FRMD3: variants seen among roughly 807,000 people sequenced by gnomAD.
FRMD3 encodes FERM domain-containing protein 3.
A neutral mutation model predicts 70.2 loss-of-function variants in FRMD3; 33 were observed. The observed-to-expected ratio is 0.47, with a 90% CI of 0.36 to 0.63. The LOEUF is 0.63. Among genes scored for constraint, FRMD3 ranks in the 20% least tolerant of loss-of-function variants. The pLI is 0.00. For synonymous variants in FRMD3, 279 were observed against 255.9 expected (o/e 1.09, Z -0.86); for missense variants, 632 against 711.4 (o/e 0.89, Z 1.27).
chr9:83,311,762 G>A (rs1835364763), intron 8 of FRMD3, 125 bp downstream of exon 8: 3 of 741,750 alleles, frequency 4.0e-6, no homozygotes, highest in Non-Finnish European at 4.7e-6. Flanking sequence ...CCTTTATGAT[G>A]AAGCTCCAAG....
intron 5 of FRMD3, among the ~76,000 whole-genome samples, chr9:83,336,352 A>G (rs1007077070): frequency 6.6e-6 from 1 of 151,792 alleles, no homozygotes; most frequent in African/African-American, 2.4e-5. Flanking sequence ...TAAAAATTTA[A>G]TGCCCCCGCC....
At chr9:83,465,818 A>G (rs1587881193) in intron 1 of FRMD3, among the ~76,000 whole-genome samples, 1 of 152,254 alleles carries the variant, frequency 6.6e-6, no homozygotes, top group East Asian at 1.9e-4. Context: ...CATTGAATCA[A>G]TTGGAGCTGT....
chr9:83,353,485 G>A (rs1179971989), intron 3 of FRMD3, among the ~76,000 whole-genome samples: 1 of 152,144 alleles, frequency 6.6e-6, no homozygotes, highest in Non-Finnish European at 1.5e-5. Context: ...AGAATAATAT[G>A]TCTTGTTCAG....
chr9:83,557,780 C>G, the FRMD3 span, among the ~76,000 whole-genome samples: 1 of 152,164 alleles, frequency 6.6e-6, no homozygotes, highest in Non-Finnish European at 1.5e-5. Context: ...GATGGAAACA[C>G]TGCAGGGGGT....
At chr9:83,553,402 A>G in the FRMD3 span, among the ~76,000 whole-genome samples, 1 of 152,134 alleles carries the variant, frequency 6.6e-6, no homozygotes, top group Non-Finnish European at 1.5e-5. Flanking sequence ...GCTGCCTTTA[A>G]CATTCTTTCT....
intron 1 of FRMD3, among the ~76,000 whole-genome samples, chr9:83,501,530 A>G (rs945271256): frequency 1.3e-5 from 2 of 152,232 alleles, no homozygotes; most frequent in African/African-American, 4.8e-5. Flanking sequence ...AGGGGATATA[A>G]TTTGTAATTT....
In FRMD3 at chr9:83,331,925, T is replaced by A. The variant is rs535352146; in HGVS notation, c.596+3591A>T. The A allele has an allele frequency of 4.2e-4, 303 of 715,174 alleles. 1 individual carries two copies. The African/African-American group carries it at 4.6e-3, about 11-fold the overall frequency. The allele number at this position is 715,174 out of a possible 1,614,324, so 44.3% of individuals were successfully genotyped here. A position where few individuals can be genotyped will look rare whatever the true frequency, so the allele number is the denominator to read the frequency against. ...GGGATGAGTCCTGATCAGAGAGTTG[T>A]AAGCAGAAGTGCTATGAATCACTTC... On this transcript the variant is annotated intron_variant, in intron 6 of 13. Coordinates refer to ENST00000304195, the MANE Select transcript of FRMD3 (RefSeq NM_174938.6).
At chr9:83,402,650 C>T (rs990201010) in intron 1 of FRMD3, among the ~76,000 whole-genome samples, 19 of 152,026 alleles carry the variant, frequency 1.2e-4, no homozygotes, top group Non-Finnish European at 1.6e-4. Flanking sequence ...ATACATGCAG[C>T]CTTAATATAA....
the FRMD3 span, among the ~76,000 whole-genome samples, chr9:83,568,534 A>G: frequency 6.6e-6 from 1 of 152,180 alleles, no homozygotes; most frequent in Non-Finnish European, 1.5e-5. Context: ...GAAATATGCC[A>G]GGCACAGAAA....
chr9:83,248,041 GGA>G lies in FRMD3; in HGVS notation c.1669_1670del (p.Ser557LeufsTer12). On this transcript the variant is annotated frameshift_variant, in exon 14 of 14. Transcript: ENST00000304195. LOFTEE classifies it high-confidence loss of function. ...GTGTCTGGCGGATTTCGCATAAGAA[GGA>G]GAGATCAATACCTGACTCCAAAAGG... is the stretch of plus-strand genomic sequence containing the variant. ...LLLLESGIDL[S>X]FLCEIRQTPE... is the part of the protein sequence containing the mutation. The G allele has an allele frequency of 5.6e-6, 9 of 1,614,160 alleles. No homozygotes were observed. The highest frequency in any genetic ancestry group is 7.6e-6 in the Non-Finnish European group (9 of 1,180,034).
chr9:83,545,971 C>G, the FRMD3 span, among the ~76,000 whole-genome samples: 1 of 151,988 alleles, frequency 6.6e-6, no homozygotes, highest in African/African-American at 2.4e-5. Context: ...TGTCTAATCA[C>G]CTGTAAAGGA....
chr9:83,345,936 A>G (rs932505643), intron 4 of FRMD3, among the ~76,000 whole-genome samples: 2 of 152,072 alleles, frequency 1.3e-5, no homozygotes, highest in East Asian at 3.9e-4. Flanking sequence ...GTGAATGTTC[A>G]TAATAACACT....
intron 1 of FRMD3, among the ~76,000 whole-genome samples, chr9:83,520,970 C>CAAAAAAAAAAAAAAAAA (rs144061788): frequency 1.8e-5 from 1 of 56,126 alleles, no homozygotes; most frequent in Non-Finnish European, 3.4e-5. Flanking sequence ...ACTAAAAATA[C>CAAAAAAAAAAAAAAAAA]AAAAAAAAAA....
chr9:83,244,206 TCA>T (rs1251581232), downstream of FRMD3, among the ~76,000 whole-genome samples: 9 of 152,036 alleles, frequency 5.9e-5, no homozygotes, highest in Admixed American at 5.9e-4. Context: ...ATGGCAAGTG[TCA>T]CAGAGTTGAG....
intron 2 of FRMD3, 146 bp downstream of exon 2, chr9:83,389,458 C>T: frequency 1.6e-6 from 1 of 635,750 alleles, no homozygotes; most frequent in Non-Finnish European, 2.8e-6. Context: ...GAGGACAATG[C>T]CAGCCTCTTC....
chr9:83,265,078 A>G (rs562004364), intron 13 of FRMD3, among the ~76,000 whole-genome samples: 2 of 152,292 alleles, frequency 1.3e-5, no homozygotes, highest in East Asian at 3.9e-4. Context: ...AATAGTTTGC[A>G]CATACAGAAG....
intron 12 of FRMD3, among the ~76,000 whole-genome samples, chr9:83,294,263 C>A (rs1834567486): frequency 3.3e-5 from 5 of 152,176 alleles, no homozygotes. Context: ...GCCAGATGCT[C>A]AATCTGCTGG....
intron 3 of FRMD3, among the ~76,000 whole-genome samples, chr9:83,357,238 A>ATAATAT (rs1213344229): frequency 5.0e-4 from 2 of 4,000 alleles, no homozygotes; most frequent in East Asian, 0.01. Flanking sequence ...ATATATATAT[A>ATAATAT]ATACATACAT....
At chr9:83,279,957 A>T (rs2071017124) in intron 13 of FRMD3, among the ~76,000 whole-genome samples, 1 of 152,194 alleles carries the variant, frequency 6.6e-6, no homozygotes, top group Non-Finnish European at 1.5e-5. Context: ...CCTGGAACTT[A>T]AAATTTTCTA....
Sources: gnomAD v4.1 joint callset for allele counts (sites outside exome capture counted in the v4.1 genomes callset) on GRCh38, gnomAD v4.1.1 for gene constraint, MANE v1.5 for transcripts, NCBI Gene and HGNC (gene_info 2026-07-23, HGNC 2026-07-21) for gene names.